The following CYP11B2 variants were observed in gnomAD, a reference collection of about 807,000 sequenced individuals.
CYP11B2 encodes cytochrome P450 11B2, mitochondrial.
CYP11B2 carries 38 observed loss-of-function variants against 49.3 expected under a neutral mutation model. That is an observed-to-expected ratio of 0.77 (90% CI 0.59 to 1.01). The LOEUF (loss-of-function observed/expected upper bound fraction) is 1.01. Among genes scored for constraint, CYP11B2 ranks in the 50% least tolerant of loss-of-function variants. The pLI is 0.00. For synonymous variants in CYP11B2, 290 were observed against 269.3 expected (o/e 1.08, Z -0.75); for missense variants, 669 against 655.5 (o/e 1.02, Z -0.23).
intron 2 of CYP11B2, 31 bp from the exon 3 acceptor site, chr8:142,915,276 C>T (rs374376996): frequency 3.7e-5 from 58 of 1,567,740 alleles, no homozygotes; most frequent in Admixed American, 1.8e-4. Flanking sequence ...CTTGTGAGGC[C>T]GCCCCAGCAA....
Position 142,911,750 on chromosome 8 carries a change from C to T in CYP11B2, c.*230G>A. On this transcript the variant is annotated 3_prime_UTR_variant, in exon 9 of 9. Transcript: ENST00000323110. ...AGAAGGGGCCAGGTGGAGCTGGGGA[C>T]AAGGCCAGGCCCTGCCAGCAAGATC... is the stretch of plus-strand genomic sequence containing the variant. 1 of 604,614 alleles carries T rather than the reference C, an allele frequency of 1.7e-6. No homozygotes were observed. 37.5% of individuals were successfully genotyped at this position (604,614 alleles called of 1,614,324 possible).
In CYP11B2 at chr8:142,914,328, G is replaced by A. The variant is rs750646486; in HGVS notation, c.890C>T (p.Ala297Val). The A allele has an allele frequency of 4.3e-6, 7 of 1,613,896 alleles. No homozygotes were observed. In the East Asian group the frequency reaches 8.9e-5, roughly 21 times the overall value. The part of the protein sequence containing the change: ...TGIVAELLLK[A>V]ELSLEAIKAN... ...CTTGATGGCTTCTAGTGACAGTTCC[G>A]CCTTCAACAGGAGCTCCGCCACGAT... Residue 297 changes from alanine to valine, a missense_variant, in exon 5 of 9, where the codon GCG (alanine) becomes GTG (valine). By Grantham distance (64) the Ala-to-Val change is moderately conservative. Transcript: ENST00000323110.
rs2130326709 is a variant in CYP11B2, at chr8:142,913,398, C to A, written c.1008G>T (p.Val336=). The A allele has an allele frequency of 3.7e-6, 6 of 1,614,004 alleles. No homozygotes were observed. The highest frequency in any genetic ancestry group is 5.1e-6 in the Non-Finnish European group (6 of 1,180,018). The change falls in exon 6 of 9, where the codon GTG becomes GTT. Residue 336 remains valine (V), a synonymous_variant. Transcript: ENST00000323110. ...GGCTCTCCTGGCGCAGGATCTGCTG[C>A]ACGTCGGGGTTCCGAGCCAGCTCAA... is the stretch of plus-strand genomic sequence containing the variant. ...TLFELARNPD[V]QQILRQESLA...
chr8:142,912,223 A>G, intron 8 of CYP11B2, 130 bp from the exon 9 acceptor site: 1 of 1,493,786 alleles, frequency 6.7e-7, no homozygotes, highest in Non-Finnish European at 9.1e-7. Flanking sequence ...AACCTATCCC[A>G]CTTCTGACCA....
intron 2 of CYP11B2, chr8:142,916,298 T>G: frequency 2.5e-6 from 1 of 407,494 alleles, no homozygotes; most frequent in Non-Finnish European, 5.0e-6. Context: ...ACGGGTGCCC[T>G]TTTACCTAAA....
Position 142,914,259 on chromosome 8 carries a change from CTG to C in CYP11B2, c.954+3_954+4del, listed in dbSNP as rs1477178056. 1 of 1,613,992 alleles carries C rather than the reference CTG, an allele frequency of 6.2e-7. No homozygotes were observed. The highest frequency in any genetic ancestry group is 8.5e-7 in the Non-Finnish European group (1 of 1,180,024). On this transcript the variant is annotated splice_donor_region_variant and intron_variant, in intron 5 of 8. Transcript: ENST00000323110. Reference sequence around the variant, plus strand: ...TCTCTGGGTGGGGCTGGTTGCTGGCCTGACCGTGTCCACGCTCCCTGCAGTGA... The same window carrying C: ...TCTCTGGGTGGGGCTGGTTGCTGGCCACCGTGTCCACGCTCCCTGCAGTGA...
intron 7 of CYP11B2, 29 bp downstream of exon 7, chr8:142,912,778 T>C (rs779837914): frequency 6.2e-7 from 1 of 1,613,734 alleles, no homozygotes; most frequent in South Asian, 1.1e-5. Flanking sequence ...AGGGAGGTTC[T>C]CAGCTCGAGG....
In CYP11B2 at chr8:142,911,691, A is replaced by G. The variant is rs1379647326; in HGVS notation, c.*289T>C. ...GGAGCCTGGAGCCAGCGCTGGGAGT[A>G]GAGTCAAGCTGTCCAGAGGGCACTG... On this transcript the variant is annotated 3_prime_UTR_variant, in exon 9 of 9. Coordinates refer to ENST00000323110, the MANE Select transcript of CYP11B2 (RefSeq NM_000498.3). The G allele has an allele frequency of 4.3e-6, 2 of 464,350 alleles. No homozygotes were observed. The highest frequency in any genetic ancestry group is 7.9e-6 in the Non-Finnish European group (2 of 252,224). 28.8% of individuals were successfully genotyped at this position (464,350 alleles called of 1,614,324 possible).
At position 142,911,807 on chromosome 8, in the gene CYP11B2, A is replaced by C. The variant is rs1366573334; in HGVS notation, c.*173T>G. The stretch of plus-strand genomic sequence containing the variant: ...AGCTGTGCCCTGGCCTTGCTATTTG[A>C]CAAGCCTGGCAAGCCCCAGTCCTGG... On this transcript the variant is annotated 3_prime_UTR_variant, in exon 9 of 9. Transcript: ENST00000323110. 1 of 983,876 alleles carries C rather than the reference A, an allele frequency of 1.0e-6. No homozygotes were observed. Among genetic ancestry groups the C allele is most frequent in the Non-Finnish European group, 1.5e-6 (1 of 674,154 alleles). 60.9% of individuals were successfully genotyped at this position (983,876 alleles called of 1,614,324 possible). A position where few individuals can be genotyped will look rare whatever the true frequency, so the allele number is the denominator to read the frequency against.
Position 142,912,003 on chromosome 8 carries a change from G to C in CYP11B2, c.1489C>G (p.Leu497Val). The change falls in exon 9 of 9, where the codon CTC (leucine) becomes GTC (valine). Residue 497 changes from leucine (L) to valine (V), a missense_variant. Physicochemically the swap from Leu to Val is conservative, Grantham distance 32 (BLOSUM62 1). Coordinates refer to ENST00000323110, the MANE Select transcript of CYP11B2 (RefSeq NM_000498.3). ...GACTAGTTAATCGCTCTGAAAGTGA[G>C]GAGGGGGGACGTGCCAGGCCTCAAT... Reference protein sequence around the residue: ...FILRPGTSPLLTFRAIN With the variant: ...FILRPGTSPLVTFRAIN 1 of 1,614,072 alleles carries C rather than the reference G, an allele frequency of 6.2e-7. No individual in the cohort carries two copies. Among genetic ancestry groups the C allele is most frequent in the Non-Finnish European group, 8.5e-7 (1 of 1,179,964 alleles).
At chr8:142,914,212 G>A in intron 5 of CYP11B2, 52 bp downstream of exon 5, 3 of 1,608,608 alleles carry the variant, frequency 1.9e-6, no homozygotes, top group African/African-American at 1.3e-5. Context: ...GCAGTGCCTG[G>A]GAGGCAGGCT....
At position 142,912,647 on chromosome 8, in the gene CYP11B2, G is replaced by T. The variant is rs749465505; in HGVS notation, c.1281C>A (p.Arg427=). 3 of 1,614,200 alleles carry T rather than the reference G, an allele frequency of 1.9e-6. No individual in the cohort carries two copies. The highest frequency in any genetic ancestry group is 2.5e-6 in the Non-Finnish European group (3 of 1,180,010). Residue 427 remains arginine, a synonymous_variant, in exon 8 of 9, where the codon CGC becomes CGA. Transcript: ENST00000323110. ...FPRPERYNPQ[R]WLDIRGSGRN... is the part of the protein sequence containing the mutation. Reference sequence around the variant, plus strand: ...TGCCGGAGCCCCTGATGTCTAGCCAGCGCTGGGGATTATACCGCTCAGGCC... The same window carrying T: ...TGCCGGAGCCCCTGATGTCTAGCCATCGCTGGGGATTATACCGCTCAGGCC...
In CYP11B2 at chr8:142,911,984, T is replaced by A. The variant is rs146765393; in HGVS notation, c.1508A>T (p.Asn503Ile). The A allele has an allele frequency of 6.2e-7, 1 of 1,613,780 alleles. No individual in the cohort carries two copies. Among genetic ancestry groups the A allele is most frequent in the Non-Finnish European group, 8.5e-7 (1 of 1,179,902 alleles). ...ACCCTGGGTGCAGATGCAAGACTAG[T>A]TAATCGCTCTGAAAGTGAGGAGGGG... ...TSPLLTFRAI[N>I] The change falls in exon 9 of 9, where the codon AAC becomes ATC. Residue 503 changes from asparagine to isoleucine, a missense_variant. Transcript: ENST00000323110.
rs771078383 is a variant in CYP11B2, at chr8:142,917,138, G to C, written c.316C>G (p.Leu106Val). The C allele has an allele frequency of 6.2e-7, 1 of 1,614,214 alleles. No homozygotes were observed. The highest frequency in any genetic ancestry group is 8.5e-7 in the Non-Finnish European group (1 of 1,180,030). ...TCCAGGATCATCCTGCAGGGATGCA[G>C]GCTGTCCACCTGTTGCAGCTTCTCC... ...DVEKLQQVDSLHPCRMILEPW... is the reference protein window; with the variant it reads ...DVEKLQQVDSVHPCRMILEPW... Residue 106 changes from leucine to valine, a missense_variant, in exon 2 of 9, where the codon CTG becomes GTG. Coordinates refer to ENST00000323110, the MANE Select transcript of CYP11B2 (RefSeq NM_000498.3).
rs773783460 is a variant in CYP11B2 at position 142,914,739 on chromosome 8, C to G, written c.765G>C (p.Glu255Asp). 6.2e-7 allele frequency: 1 copy of G among 1,612,946 alleles called. No homozygotes were observed. The highest frequency in any genetic ancestry group is 2.2e-5 in the East Asian group (1 of 44,860). Residue 255 changes from glutamate (E) to aspartate (D), a missense_variant, in exon 4 of 9, where the codon GAG (glutamate) becomes GAC (aspartate). Glu to Asp is a conservative substitution (Grantham distance 45, BLOSUM62 2). Coordinates refer to ENST00000323110, the MANE Select transcript of CYP11B2 (RefSeq NM_000498.3). ...AGATGCAGTCCCAGGCCTCAAAGTG[C>G]TCCTTCCACACCTTGGGGCTGATCC... ...SRWISPKVWKEHFEAWDCIFQ... is the reference protein window; with the variant it reads ...SRWISPKVWKDHFEAWDCIFQ...
chr8:142,915,187 T>G lies in CYP11B2; in HGVS notation c.454A>C (p.Lys152Gln), dbSNP rs1188856213. 1.2e-6 allele frequency: 2 copies of G among 1,614,064 alleles called. No individual in the cohort carries two copies. Among genetic ancestry groups the G allele is most frequent in the African/African-American group, 1.3e-5 (1 of 74,942 alleles). ...LRLNPDVLSP[K>Q]AVQRFLPMVD... ...ATCGGGAGGAACCTCTGCACGGCCTTGGGCGACAGCACATCTGGGTTCAGC... is the reference window on the plus strand; with the variant it reads ...ATCGGGAGGAACCTCTGCACGGCCTGGGGCGACAGCACATCTGGGTTCAGC... Residue 152 changes from lysine (K) to glutamine (Q), a missense_variant, in exon 3 of 9, where the codon AAG becomes CAG. By Grantham distance (53) the Lys-to-Gln change is moderately conservative. Coordinates refer to ENST00000323110, the MANE Select transcript of CYP11B2 (RefSeq NM_000498.3).
chr8:142,916,757 C>T (rs1817652530), intron 2 of CYP11B2, among the ~76,000 whole-genome samples: 2 of 152,160 alleles, frequency 1.3e-5, no homozygotes, highest in Admixed American at 6.5e-5. Context: ...CCCCAGACCG[C>T]AAGAGAAAGC....
chr8:142,917,035 C>T (rs780527141), intron 2 of CYP11B2, 24 bp downstream of exon 2: 1 of 1,613,726 alleles, frequency 6.2e-7, no homozygotes, highest in Non-Finnish European at 8.5e-7. Context: ...GCTCCCAGCT[C>T]TCAGCTCCCA....
chr8:142,915,433 GC>G (rs1440038247), intron 2 of CYP11B2, among the ~76,000 whole-genome samples, 188 bp from the exon 3 acceptor site: 2 of 151,498 alleles, frequency 1.3e-5, no homozygotes, highest in African/African-American at 4.8e-5. Context: ...CTGGGCAAAG[GC>G]CACTCAGGTC....
Sources: gnomAD v4.1 joint callset for allele counts (sites outside exome capture counted in the v4.1 genomes callset) on GRCh38, gnomAD v4.1.1 for gene constraint, MANE v1.5 for transcripts, NCBI Gene and HGNC (gene_info 2026-07-23, HGNC 2026-07-21) for gene names.